Variants in NYAP1 observed in about 807,000 individuals in gnomAD.
NYAP1 encodes the protein neuronal tyrosine phosphorylated phosphoinositide-3-kinase adaptor 1.
Under a neutral mutation model 58.6 loss-of-function variants are expected in NYAP1, and 20 were observed. The observed-to-expected ratio is 0.34, with a 90% CI of 0.24 to 0.50. NYAP1 has a LOEUF of 0.50. NYAP1 is among the 20% of genes least tolerant of loss of function. NYAP1 has a pLI of 0.98. For synonymous variants in NYAP1, 572 were observed against 523.1 expected, an observed-to-expected ratio of 1.09 and a Z score of -1.27; for missense variants, 1,150 against 1,194.5, an observed-to-expected ratio of 0.96 and a Z score of 0.55.
chr7:100,486,316 G>T lies in NYAP1; in HGVS notation c.69-505G>T, dbSNP rs1256210881. 2.0e-5 allele frequency among the ~76,000 whole-genome samples: 3 copies of T among 152,106 alleles called. No individual in the cohort carries two copies. The highest frequency in any genetic ancestry group is 2.9e-5 in the Non-Finnish European group (2 of 68,010). ...AGGGGAGAGGGAGGAAGAAGGATGG[G>T]CCAGGGAGGGAGGCTGCTCTGGTCC... On this transcript the variant is annotated intron_variant, in intron 2 of 6. Coordinates refer to ENST00000300179, the MANE Select transcript of NYAP1 (RefSeq NM_173564.4). This position sits in a 1 kb window ranked among gnomAD's most constrained non-coding sequence, Gnocchi z 6.2.
Position 100,493,753 on chromosome 7 carries a change from G to A in NYAP1, c.2376G>A (p.Glu792=), listed in dbSNP as rs1396398767. The A allele has an allele frequency of 3.1e-6, 5 of 1,605,514 alleles. No homozygotes were observed. Among genetic ancestry groups the A allele is most frequent in the Admixed American group, 3.4e-5 (2 of 59,678 alleles). The change falls in exon 7 of 7, where the codon GAG becomes GAA. Residue 792 remains glutamate, a synonymous_variant. Transcript: ENST00000300179. The stretch of plus-strand genomic sequence containing the variant: ...AGCGCAAGCGCTGCGTGTGCAAGGA[G>A]ATCAAGGCGCGCCACCGCCCGGACC... ...VIERKRCVCK[E]IKARHRPDRG... is the part of the protein sequence containing the mutation.
Position 100,488,264 on chromosome 7 carries a change from C to G in NYAP1, c.543C>G (p.Pro181=). The change falls in exon 4 of 7, where the codon CCC becomes CCG. Residue 181 remains proline (P), a synonymous_variant. Coordinates refer to ENST00000300179, the MANE Select transcript of NYAP1 (RefSeq NM_173564.4). The surrounding 1 kb of genome is among the most constrained non-coding windows in gnomAD (Gnocchi z 5.9). ...CTGTCTCCTTCGATGAGTCCTGCCC[C>G]CCAGGCCCCTCTCCTCGAGGGGGGA... ...QLSVSFDESC[P]PGPSPRGGNL... is the part of the protein sequence containing the mutation. 1.9e-6 allele frequency: 3 copies of G among 1,614,032 alleles called. No homozygotes were observed. The highest frequency in any genetic ancestry group is 2.5e-6 in the Non-Finnish European group (3 of 1,179,964).
chr7:100,493,972 C>G lies in NYAP1; in HGVS notation c.*69C>G. ...GGGCACGCCTGGCTCTCCCGGGAGCCTCGCCTTGAGAGACATTGAAAGACT... is the reference window on the plus strand; with the variant it reads ...GGGCACGCCTGGCTCTCCCGGGAGCGTCGCCTTGAGAGACATTGAAAGACT... On this transcript the variant is annotated 3_prime_UTR_variant, in exon 7 of 7. Coordinates refer to ENST00000300179, the MANE Select transcript of NYAP1 (RefSeq NM_173564.4). 2.3e-6 allele frequency: 3 copies of G among 1,308,760 alleles called. No individual in the cohort carries two copies. 81.1% of individuals were successfully genotyped at this position (1,308,760 alleles called of 1,614,324 possible).
At position 100,487,107 on chromosome 7, in the gene NYAP1, C is replaced by T. The variant is rs202166327; in HGVS notation, c.355C>T (p.Arg119Trp). The T allele has an allele frequency of 3.0e-5, 48 of 1,586,682 alleles. No individual in the cohort carries two copies. The Middle Eastern group carries it at 5.0e-4, about 17-fold the overall frequency. ...SSTRRPPAKP[R>W]RHPSTKLSMV... Reference sequence around the variant, plus strand: ...CACCCGAAGACCCCCTGCCAAGCCCCGGAGACACCCCAGCACCAAGCTCAG... The same window carrying T: ...CACCCGAAGACCCCCTGCCAAGCCCTGGAGACACCCCAGCACCAAGCTCAG... Residue 119 changes from arginine to tryptophan, a missense_variant, in exon 3 of 7, where the codon CGG becomes TGG. Coordinates refer to ENST00000300179, the MANE Select transcript of NYAP1 (RefSeq NM_173564.4). The surrounding 1 kb of genome is among the most constrained non-coding windows in gnomAD (Gnocchi z 4.1).
Position 100,488,807 on chromosome 7 carries a change from C to A in NYAP1, c.1086C>A (p.His362Gln). The change falls in exon 4 of 7, where the codon CAC (histidine) becomes CAA (glutamine). Residue 362 changes from histidine to glutamine, a missense_variant. His to Gln is a conservative substitution (Grantham distance 24, BLOSUM62 0). Coordinates refer to ENST00000300179, the MANE Select transcript of NYAP1 (RefSeq NM_173564.4). This position sits in a 1 kb window ranked among gnomAD's most constrained non-coding sequence, Gnocchi z 5.9. ...TCTCAAGGCTACCTGTCCTCTGCCA[C>A]TCCAAGGAGCCAGCCGGCTCCACCC... ...DGVSRLPVLCHSKEPAGSTPA... is the reference protein window; with the variant it reads ...DGVSRLPVLCQSKEPAGSTPA... 1 of 1,577,596 alleles carries A rather than the reference C, an allele frequency of 6.3e-7. No individual in the cohort carries two copies. Among genetic ancestry groups the A allele is most frequent in the South Asian group, 1.2e-5 (1 of 86,564 alleles).
chr7:100,489,143 C>T lies in NYAP1; in HGVS notation c.1422C>T (p.Val474=). The T allele has an allele frequency of 6.2e-7, 1 of 1,607,972 alleles. No homozygotes were observed. The highest frequency in any genetic ancestry group is 8.5e-7 in the Non-Finnish European group (1 of 1,177,790). The change falls in exon 4 of 7, where the codon GTC becomes GTT. Residue 474 remains valine, a synonymous_variant. Coordinates refer to ENST00000300179, the MANE Select transcript of NYAP1 (RefSeq NM_173564.4). ...CGGTCAAGGTGACCACGCACTCTGT[C>T]CTGCCAGCTGGTCCACCCCTGGGTG... ...YSAVKVTTHS[V]LPAGPPLGAG...
rs1192006213 is a variant in NYAP1 at position 100,488,195 on chromosome 7, G to A, written c.474G>A (p.Lys158=). The change falls in exon 4 of 7, where the codon AAG becomes AAA. Residue 158 remains lysine (K), a synonymous_variant. Coordinates refer to ENST00000300179, the MANE Select transcript of NYAP1 (RefSeq NM_173564.4). This position sits in a 1 kb window ranked among gnomAD's most constrained non-coding sequence, Gnocchi z 5.9. ...CAGAGGGCCGAGAGTCCAGCCGGAA[G>A]GTTCCTCCGCAGAAGCCCAGGCGAA... is the stretch of plus-strand genomic sequence containing the variant. ...PTPEGRESSR[K]VPPQKPRRSP... 6.2e-7 allele frequency: 1 copy of A among 1,610,746 alleles called. No individual in the cohort carries two copies. The highest frequency in any genetic ancestry group is 8.5e-7 in the Non-Finnish European group (1 of 1,178,922).
Position 100,485,459 on chromosome 7 carries a change from G to T in NYAP1, c.68+80G>T. On this transcript the variant is annotated intron_variant, in intron 2 of 6. Transcript: ENST00000300179. This position sits in a 1 kb window ranked among gnomAD's most constrained non-coding sequence, Gnocchi z 5.7. Reference sequence around the variant, plus strand: ...CACTGGGCCACAGCCCTTCTCGGGGGCCGGCAGCCTTGTCATGAGTGAGCT... The same window carrying T: ...CACTGGGCCACAGCCCTTCTCGGGGTCCGGCAGCCTTGTCATGAGTGAGCT... 9.0e-7 allele frequency: 1 copy of T among 1,116,832 alleles called. No homozygotes were observed. The highest frequency in any genetic ancestry group is 1.3e-6 in the Non-Finnish European group (1 of 760,772). The allele number at this position is 1,116,832 out of a possible 1,614,324, so 69.2% of individuals were successfully genotyped here.
chr7:100,493,860 C>T lies in NYAP1; in HGVS notation c.2483C>T (p.Pro828Leu), dbSNP rs773342005. The change falls in exon 7 of 7, where the codon CCC becomes CTC. Residue 828 changes from proline (P) to leucine (L), a missense_variant. Pro to Leu is a moderately conservative substitution (Grantham distance 98). Transcript: ENST00000300179. ...GPEPRKSGTP[P>L]CRRQHTVLWD... ...GAGCCCCGCAAGTCCGGCACCCCGC[C>T]CTGCCGCCGGCAGCACACGGTCCTC... 21 of 1,533,234 alleles carry T rather than the reference C, an allele frequency of 1.4e-5. No homozygotes were observed. Among genetic ancestry groups the T allele is most frequent in the African/African-American group, 2.8e-5 (2 of 70,810 alleles). The allele number at this position is 1,533,234 out of a possible 1,614,324, so 95.0% of individuals were successfully genotyped here.
Position 100,490,410 on chromosome 7 carries a change from G to T in NYAP1, c.1946-107G>T, listed in dbSNP as rs1444335278. Reference sequence around the variant, plus strand: ...CCCATCCCAGCCGTTACTTGCAAAAGGGGCAATTGTGTCTCCTGGTCCACC... The same window carrying T: ...CCCATCCCAGCCGTTACTTGCAAAATGGGCAATTGTGTCTCCTGGTCCACC... On this transcript the variant is annotated intron_variant, in intron 4 of 6. Coordinates refer to ENST00000300179, the MANE Select transcript of NYAP1 (RefSeq NM_173564.4). This position sits in a 1 kb window ranked among gnomAD's most constrained non-coding sequence, Gnocchi z 4.6. 1.2e-5 allele frequency: 12 copies of T among 1,042,646 alleles called. No homozygotes were observed. In the Admixed American group the frequency reaches 2.5e-4, roughly 21 times the overall value. 64.6% of individuals were successfully genotyped at this position (1,042,646 alleles called of 1,614,324 possible). A position where few individuals can be genotyped will look rare whatever the true frequency, so the allele number is the denominator to read the frequency against.
chr7:100,486,924 A>C lies in NYAP1; in HGVS notation c.172A>C (p.Met58Leu). ...CGCCTCGCTGCGGCGCTCCCTCAGG[A>C]TGGGTTTCATGACGATGCCCGCCTC... ...DIASLRRSLR[M>L]GFMTMPASQE... Residue 58 changes from methionine to leucine, a missense_variant, in exon 3 of 7, where the codon ATG becomes CTG. Transcript: ENST00000300179. The surrounding 1 kb of genome is among the most constrained non-coding windows in gnomAD (Gnocchi z 6.2). 6.2e-7 allele frequency: 1 copy of C among 1,600,446 alleles called. No homozygotes were observed. The highest frequency in any genetic ancestry group is 1.1e-5 in the South Asian group (1 of 89,764).
In NYAP1 at chr7:100,490,799, T is replaced by C; in HGVS notation, c.2158+70T>C. ...GGATCTCCCGGGGTCTAGCTGCACC[T>C]GTCCTGACTTCCTCTCACCTGTTCA... On this transcript the variant is annotated intron_variant, in intron 5 of 6. Coordinates refer to ENST00000300179, the MANE Select transcript of NYAP1 (RefSeq NM_173564.4). This position sits in a 1 kb window ranked among gnomAD's most constrained non-coding sequence, Gnocchi z 4.6. 1.5e-6 allele frequency: 2 copies of C among 1,353,348 alleles called. No homozygotes were observed. The highest frequency in any genetic ancestry group is 2.6e-5 in the Admixed American group (1 of 37,874). 83.8% of individuals were successfully genotyped at this position (1,353,348 alleles called of 1,614,324 possible).
At chr7:100,491,941 G>A (rs1799801170) in intron 6 of NYAP1, among the ~76,000 whole-genome samples, 1 of 152,300 alleles carries the variant, frequency 6.6e-6, no homozygotes, top group Admixed American at 6.5e-5. Context: ...CAGCTACTCG[G>A]GAGGCAGAGG....
chr7:100,485,203 C>T lies in NYAP1; in HGVS notation c.-84-25C>T, dbSNP rs972934735. 17 of 615,562 alleles carry T rather than the reference C, an allele frequency of 2.8e-5. No homozygotes were observed. The highest frequency in any genetic ancestry group is 4.1e-5 in the Non-Finnish European group (14 of 340,932). The allele number at this position is 615,562 out of a possible 1,614,324, so 38.1% of individuals were successfully genotyped here. A position where few individuals can be genotyped will look rare whatever the true frequency, so the allele number is the denominator to read the frequency against. On this transcript the variant is annotated intron_variant, in intron 1 of 6. Transcript: ENST00000300179. The surrounding 1 kb of genome is among the most constrained non-coding windows in gnomAD (Gnocchi z 5.7). ...ACCCATCCCACCTTTCTTTTTTTTC[C>T]GTTCTCACCCACCCCGCCCGCCAGT...
At position 100,493,740 on chromosome 7, in the gene NYAP1, G is replaced by C; in HGVS notation, c.2363G>C (p.Cys788Ser). ...CTGGAGGTGATCGAGCGCAAGCGCT[G>C]CGTGTGCAAGGAGATCAAGGCGCGC... ...KLLEVIERKR[C>S]VCKEIKARHR... Residue 788 changes from cysteine (C) to serine (S), a missense_variant, in exon 7 of 7, where the codon TGC (cysteine) becomes TCC (serine). Physicochemically the swap from Cys to Ser is moderately radical, Grantham distance 112 (BLOSUM62 -1). Coordinates refer to ENST00000300179, the MANE Select transcript of NYAP1 (RefSeq NM_173564.4). 2 of 1,604,748 alleles carry C rather than the reference G, an allele frequency of 1.2e-6. No homozygotes were observed.
rs1347435707 is a variant in NYAP1, at chr7:100,494,054, A to G, written c.*151A>G. 3 of 661,824 alleles carry G rather than the reference A, an allele frequency of 4.5e-6. No individual in the cohort carries two copies. The highest frequency in any genetic ancestry group is 7.1e-6 in the Non-Finnish European group (3 of 420,852). 41.0% of individuals were successfully genotyped at this position (661,824 alleles called of 1,614,324 possible). On this transcript the variant is annotated 3_prime_UTR_variant, in exon 7 of 7. Coordinates refer to ENST00000300179, the MANE Select transcript of NYAP1 (RefSeq NM_173564.4). ...CTCCAACCTACCCCCCGGGATGGGG[A>G]GAGTCTGCCAGGCCCATTGGGCTTA... is the stretch of plus-strand genomic sequence containing the variant.
At position 100,494,329 on chromosome 7, in the gene NYAP1, A is replaced by G. The variant is rs927194140; in HGVS notation, c.*426A>G. ...GAGAGCCGGGAGTTGGGGAGGGGGT[A>G]TTTATTTTGTTATTTATTTCAGTCT... On this transcript the variant is annotated 3_prime_UTR_variant, in exon 7 of 7. Coordinates refer to ENST00000300179, the MANE Select transcript of NYAP1 (RefSeq NM_173564.4). The G allele has an allele frequency of 5.4e-5, 9 of 165,944 alleles. No homozygotes were observed. Among genetic ancestry groups the G allele is most frequent in the Admixed American group, 1.3e-4 (2 of 15,580 alleles). 10.3% of individuals were successfully genotyped at this position (165,944 alleles called of 1,614,324 possible).
rs780857837 is a variant in NYAP1 at position 100,493,630 on chromosome 7, C to T, written c.2269-16C>T. The T allele has an allele frequency of 4.5e-6, 7 of 1,556,840 alleles. No homozygotes were observed. Among genetic ancestry groups the T allele is most frequent in the Middle Eastern group, 1.9e-4 (1 of 5,296 alleles). Reference sequence around the variant, plus strand: ...ACCTTACCCGCGTTTTCCTTTCTCCCCCGCCCGCGGCACAGCCCCACCCCG... The same window carrying T: ...ACCTTACCCGCGTTTTCCTTTCTCCTCCGCCCGCGGCACAGCCCCACCCCG... On this transcript the variant is annotated splice_polypyrimidine_tract_variant and intron_variant, in intron 6 of 6. Coordinates refer to ENST00000300179, the MANE Select transcript of NYAP1 (RefSeq NM_173564.4).
Position 100,490,439 on chromosome 7 carries a change from A to ACT in NYAP1, c.1946-77_1946-76dup. The ACT allele has an allele frequency of 7.4e-7, 1 of 1,345,572 alleles. No homozygotes were observed. The highest frequency in any genetic ancestry group is 1.0e-6 in the Non-Finnish European group (1 of 959,994). The allele number at this position is 1,345,572 out of a possible 1,614,324, so 83.4% of individuals were successfully genotyped here. On this transcript the variant is annotated intron_variant, in intron 4 of 6. Transcript: ENST00000300179. This position sits in a 1 kb window ranked among gnomAD's most constrained non-coding sequence, Gnocchi z 4.6. ...CAATTGTGTCTCCTGGTCCACCCAT[A>ACT]CTGCAGCATGTGTGGCCAGAGGGAC...
Sources: allele counts gnomAD v4.1 joint callset (sites outside exome capture counted in the v4.1 genomes callset), GRCh38; gene constraint gnomAD v4.1.1; non-coding constraint Gnocchi (gnomAD v3.1); transcripts MANE v1.5; gene names NCBI Gene and HGNC (gene_info 2026-07-23, HGNC 2026-07-21).